FGG: variants seen among roughly 807,000 people sequenced by gnomAD.
FGG encodes the protein fibrinogen, gamma polypeptide.
Under a neutral mutation model 51.7 loss-of-function variants are expected in FGG, and 20 were observed. The ratio of observed to expected loss-of-function variants is 0.39; its 90% CI spans 0.27 to 0.56. The LOEUF (loss-of-function observed/expected upper bound fraction) is 0.56, where lower values mean the gene tolerates loss of function less well. FGG is among the 20% of genes least tolerant of loss of function. The pLI, the probability that FGG is intolerant of heterozygous loss-of-function variation, is 0.64. For missense variants in FGG, 460 were observed against 534.2 expected (o/e 0.86, Z 1.37); for synonymous variants, 184 against 184.7 (o/e 1.00, Z 0.03).
intron 2 of FGG, 73 bp from the exon 3 acceptor site, chr4:154,612,274 C>A (rs1731231748): frequency 1.3e-6 from 2 of 1,587,530 alleles, no homozygotes; most frequent in African/African-American, 1.3e-5. Context: ...ATAGGTAAAA[C>A]CTAGACTATG....
At chr4:154,608,442 T>C (rs760671543) in intron 7 of FGG, 24 bp downstream of exon 7, 1 of 1,609,014 alleles carries the variant, frequency 6.2e-7, no homozygotes, top group Non-Finnish European at 8.5e-7. Flanking sequence ...CAATAAAAAG[T>C]TGGAAGTCAT....
At position 154,612,181 on chromosome 4, in the gene FGG, G is replaced by A. The variant is rs1560837009; in HGVS notation, c.144C>T (p.Thr48=). 6.2e-7 allele frequency: 1 copy of A among 1,610,260 alleles called. No individual in the cohort carries two copies. Among genetic ancestry groups the A allele is most frequent in the Non-Finnish European group, 8.5e-7 (1 of 1,178,132 alleles). Residue 48 remains threonine, a synonymous_variant, in exon 3 of 9, where the codon ACC becomes ACT. Coordinates refer to ENST00000336098, the MANE Select transcript of FGG (RefSeq NM_021870.3). Reference sequence around the variant, plus strand: ...TAGACAGGAAATCTGCAATGCCACAGGTAGTTGGACAATAACTACCCTGAA... The same window carrying A: ...TAGACAGGAAATCTGCAATGCCACAAGTAGTTGGACAATAACTACCCTGAA... The part of the protein sequence containing the change: ...DERFGSYCPT[T]CGIADFLSTY...
At chr4:154,605,901 C>T (rs890471721) in intron 8 of FGG, among the ~76,000 whole-genome samples, 4 of 150,682 alleles carry the variant, frequency 2.7e-5, no homozygotes, top group Non-Finnish European at 4.4e-5. Context: ...ACTCATCTAC[C>T]CAGCAGATAT....
At chr4:154,606,630 C>T in intron 8 of FGG, 75 bp downstream of exon 8, 2 of 1,419,920 alleles carry the variant, frequency 1.4e-6, no homozygotes, top group Non-Finnish European at 1.9e-6. Flanking sequence ...TTCATTTCTT[C>T]ATATCTATTT....
At chr4:154,608,725 T>G (rs1731147838) in intron 6 of FGG, 75 bp from the exon 7 acceptor site, 1 of 1,403,738 alleles carries the variant, frequency 7.1e-7, no homozygotes, top group Non-Finnish European at 1.0e-6. Flanking sequence ...GTCAACATTT[T>G]GTCAAAAATA....
At chr4:154,611,315 T>C (rs1223940746) in intron 4 of FGG, 1 of 157,854 alleles carries the variant, frequency 6.3e-6, no homozygotes, top group Non-Finnish European at 1.4e-5. Flanking sequence ...ATGATCAATA[T>C]GAGCTTTGCA....
At position 154,610,122 on chromosome 4, in the gene FGG, T is replaced by A. The variant is rs1471789925; in HGVS notation, c.477A>T (p.Ala159=). The change falls in exon 5 of 9, where the codon GCA becomes GCT. Residue 159 remains alanine (A), a synonymous_variant. Transcript: ENST00000336098. The part of the protein sequence containing the change: ...NLKEKVAQLE[A]QCQEPCKDTV... ...TGTCTTTGCAAGGTTCCTGGCACTG[T>A]GCTTCAAGCTGGGCTACCTTCTCTT... The A allele has an allele frequency of 6.2e-7, 1 of 1,613,646 alleles. No individual in the cohort carries two copies. Among genetic ancestry groups the A allele is most frequent in the South Asian group, 1.1e-5 (1 of 91,072 alleles).
At chr4:154,611,784 A>T (rs1311504452) in intron 4 of FGG, 21 bp downstream of exon 4, 2 of 1,537,996 alleles carry the variant, frequency 1.3e-6, no homozygotes, top group African/African-American at 2.7e-5. Context: ...TTGCAGAGCA[A>T]ATTAAAACAA....
chr4:154,606,864 C>G lies in FGG; in HGVS notation c.970G>C (p.Asp324His). 6.2e-7 allele frequency: 1 copy of G among 1,613,964 alleles called. No homozygotes were observed. Among genetic ancestry groups the G allele is most frequent in the Non-Finnish European group, 8.5e-7 (1 of 1,179,868 alleles). ...DAFDGFDFGD[D>H]PSDKFFTSHN... Reference sequence around the variant, plus strand: ...GATGTGAAAAACTTGTCACTAGGATCATCGCCAAAATCAAAGCCATCAAAG... The same window carrying G: ...GATGTGAAAAACTTGTCACTAGGATGATCGCCAAAATCAAAGCCATCAAAG... The change falls in exon 8 of 9, where the codon GAT (aspartate) becomes CAT (histidine). Residue 324 changes from aspartate to histidine, a missense_variant. By Grantham distance (81) the Asp-to-His change is moderately conservative (BLOSUM62 -1). Coordinates refer to ENST00000336098, the MANE Select transcript of FGG (RefSeq NM_021870.3).
chr4:154,607,614 T>C (rs955259517), intron 7 of FGG, among the ~76,000 whole-genome samples: 5 of 152,096 alleles, frequency 3.3e-5, no homozygotes, highest in African/African-American at 7.2e-5. Context: ...AACACTTCTA[T>C]AGAGTGGGGG....
In FGG at chr4:154,608,437, A is replaced by C. The variant is rs775582466; in HGVS notation, c.851+29T>G. The C allele has an allele frequency of 2.5e-6, 4 of 1,606,808 alleles. No individual in the cohort carries two copies. The South Asian group carries it at 4.4e-5, about 18-fold the overall frequency. Reference sequence around the variant, plus strand: ...CACATTCCAGGCAATCTTTACAATAAAAAGTTGGAAGTCATTTCAAAACAG... The same window carrying C: ...CACATTCCAGGCAATCTTTACAATACAAAGTTGGAAGTCATTTCAAAACAG... On this transcript the variant is annotated intron_variant, in intron 7 of 8. Coordinates refer to ENST00000336098, the MANE Select transcript of FGG (RefSeq NM_021870.3).
chr4:154,611,636 A>G (rs1037074693), intron 4 of FGG, 169 bp downstream of exon 4: 1 of 571,634 alleles, frequency 1.7e-6, no homozygotes, highest in Non-Finnish European at 3.1e-6. Context: ...AGTATAATTT[A>G]TATTGCACTA....
chr4:154,612,565 A>G lies in FGG; in HGVS notation c.45T>C (p.Tyr15=). The G allele has an allele frequency of 1.9e-6, 3 of 1,614,032 alleles. No individual in the cohort carries two copies. The highest frequency in any genetic ancestry group is 2.5e-6 in the Non-Finnish European group (3 of 1,179,912). The part of the protein sequence containing the change: ...LHPRNLILYF[Y]ALLFLSSTCV... ...ATGTTGAAGAGAGAAATAAAAGAGC[A>G]TAGAAGTAGAGAATTAAATTCCGGG... The change falls in exon 1 of 9, where the codon TAT becomes TAC. Residue 15 remains tyrosine (Y), a synonymous_variant. Transcript: ENST00000336098.
chr4:154,607,059 T>G (rs375979719), intron 7 of FGG, 77 bp from the exon 8 acceptor site: 3 of 1,484,220 alleles, frequency 2.0e-6, no homozygotes, highest in African/African-American at 2.8e-5. Flanking sequence ...CGTAGGATGC[T>G]TCCTTGGAAT....
chr4:154,605,037 T>C lies in FGG; in HGVS notation c.1159A>G (p.Asn387Asp). Residue 387 changes from asparagine (N) to aspartate (D), a missense_variant, in exon 9 of 9, where the codon AAT becomes GAT. By Grantham distance (23) the Asn-to-Asp change is conservative. Transcript: ENST00000336098. ...CAAATAATGCCATTATCATAACCAT[T>C]AGGAGTAGATGCTTTTGAGTAAGTG... ...GGTYSKASTP[N>D]GYDNGIIWAT... 1.9e-6 allele frequency: 3 copies of C among 1,614,016 alleles called. No individual in the cohort carries two copies. Among genetic ancestry groups the C allele is most frequent in the Non-Finnish European group, 2.5e-6 (3 of 1,179,944 alleles).
intron 6 of FGG, 125 bp downstream of exon 6, chr4:154,609,505 C>A: frequency 8.5e-7 from 1 of 1,175,286 alleles, no homozygotes; most frequent in Non-Finnish European, 1.2e-6. Context: ...ACAGAAGTAC[C>A]TTCCTCTTAG....
rs1259562799 is a variant in FGG, at chr4:154,608,798, A to G, written c.667-148T>C. ...TTGGCCAAGCTACCTCAGTTTCCTC[A>G]TGTATCAAATAGGAAAAATGATGGT... is the stretch of plus-strand genomic sequence containing the variant. On this transcript the variant is annotated intron_variant, in intron 6 of 8. Coordinates refer to ENST00000336098, the MANE Select transcript of FGG (RefSeq NM_021870.3). 1.0e-5 allele frequency: 7 copies of G among 694,174 alleles called. 1 individual carries two copies. The highest frequency in any genetic ancestry group is 5.2e-5 in the South Asian group (3 of 57,902). The allele number at this position is 694,174 out of a possible 1,614,324, so 43.0% of individuals were successfully genotyped here. A position where few individuals can be genotyped will look rare whatever the true frequency, so the allele number is the denominator to read the frequency against.
rs771279321 is a variant in FGG, at chr4:154,608,524, G to C, written c.793C>G (p.Gln265Glu). The C allele has an allele frequency of 6.2e-7, 1 of 1,613,774 alleles. No homozygotes were observed. Among genetic ancestry groups the C allele is most frequent in the Non-Finnish European group, 8.5e-7 (1 of 1,179,834 alleles). Residue 265 changes from glutamine (Q) to glutamate (E), a missense_variant, in exon 7 of 9, where the codon CAG becomes GAG. By Grantham distance (29) the Gln-to-Glu change is conservative. Around this residue, in one of 3 missense-constraint regions of FGG, gnomAD observed 353 missense variants for 391.7 expected, o/e 0.90. Coordinates refer to ENST00000336098, the MANE Select transcript of FGG (RefSeq NM_021870.3). ...GNEKIHLIST[Q>E]SAIPYALRVE... ...CTTAATGCATATGGGATGGCAGACT[G>C]TGTGCTTATCAAATGAATCTTCTCA...
intron 8 of FGG, among the ~76,000 whole-genome samples, chr4:154,605,647 G>A (rs949298752): frequency 5.9e-5 from 9 of 152,012 alleles, no homozygotes; most frequent in African/African-American, 2.2e-4. Context: ...ATGGCGCCCC[G>A]GGTCACACAG....
Sources: gnomAD v4.1 joint callset for allele counts (sites outside exome capture counted in the v4.1 genomes callset) on GRCh38, gnomAD v4.1.1 for gene constraint, gnomAD v4.1.1 regional missense constraint, MANE v1.5 for transcripts, NCBI Gene and HGNC (gene_info 2026-07-23, HGNC 2026-07-21) for gene names.